The following ANKRD6 variants were observed in gnomAD, a reference collection of about 807,000 sequenced individuals.
ANKRD6 encodes ankyrin repeat domain 6.
In ANKRD6, 56 loss-of-function variants were observed where a neutral mutation model predicts 82.3. The ratio of observed to expected loss-of-function variants is 0.68; its 90% confidence interval spans 0.55 to 0.85. ANKRD6 has a LOEUF of 0.85. Among genes scored for constraint, ANKRD6 ranks in the 40% least tolerant of loss-of-function variants. ANKRD6 has a pLI of 0.00. For synonymous variants in ANKRD6, 347 were observed against 352.1 expected (o/e 0.99, Z 0.16); for missense variants, 852 against 907.6 (o/e 0.94, Z 0.79).
chr6:89,622,328 C>T (rs551569995), intron 10 of ANKRD6, among the ~76,000 whole-genome samples: 1 of 152,354 alleles, frequency 6.6e-6, no homozygotes, highest in South Asian at 2.1e-4. Flanking sequence ...AGCACTGCCT[C>T]TCTAACACCA....
chr6:89,508,044 A>C (rs768019177), intron 1 of ANKRD6, among the ~76,000 whole-genome samples: 18 of 152,168 alleles, frequency 1.2e-4, no homozygotes, highest in Non-Finnish European at 2.2e-4. Context: ...CACCTGCATA[A>C]ATTCTATATT....
Position 89,623,408 on chromosome 6 carries a change from A to G in ANKRD6, c.898-2A>G. 2 of 1,611,746 alleles carry G rather than the reference A, an allele frequency of 1.2e-6. No individual in the cohort carries two copies. Among genetic ancestry groups the G allele is most frequent in the Non-Finnish European group, 1.7e-6 (2 of 1,179,090 alleles). The stretch of plus-strand genomic sequence containing the variant: ...GGGTCTCTGGGCTTTTTCCTTCTGT[A>G]GGGCAGTGTCTCAGCAGGAGACACC... On this transcript the variant is annotated splice_acceptor_variant, in intron 10 of 15. Coordinates refer to ENST00000339746, the MANE Select transcript of ANKRD6 (RefSeq NM_001242809.2). LOFTEE classifies it high-confidence loss of function.
intron 1 of ANKRD6, among the ~76,000 whole-genome samples, chr6:89,543,993 T>C (rs1403707699): frequency 6.6e-6 from 1 of 152,212 alleles, no homozygotes; most frequent in African/African-American, 2.4e-5. Context: ...CAGTGTCTCT[T>C]ACTGTCAACT....
At chr6:89,470,165 A>AT (rs1775277286) in intron 1 of ANKRD6, among the ~76,000 whole-genome samples, 1 of 152,144 alleles carries the variant, frequency 6.6e-6, no homozygotes, top group South Asian at 2.1e-4. Context: ...ATGACACACA[A>AT]TTTTGTATCA....
At chr6:89,630,312 G>A in intron 15 of ANKRD6, 121 bp from the exon 16 acceptor site, 1 of 1,154,698 alleles carries the variant, frequency 8.7e-7, no homozygotes, top group Non-Finnish European at 1.2e-6. Context: ...TACACATGGT[G>A]GGTGGTGATG....
intron 9 of ANKRD6, among the ~76,000 whole-genome samples, chr6:89,620,386 G>A (rs1427097798): frequency 1.3e-5 from 2 of 152,142 alleles, no homozygotes; most frequent in African/African-American, 2.4e-5. Context: ...TGTGGTTCAC[G>A]AACGCTCTGA....
At chr6:89,556,962 A>G (rs1166147281) in intron 1 of ANKRD6, among the ~76,000 whole-genome samples, 1 of 152,202 alleles carries the variant, frequency 6.6e-6, no homozygotes, top group Non-Finnish European at 1.5e-5. Flanking sequence ...TCTAGGCCTT[A>G]CTGTCTCAAA....
At chr6:89,531,768 C>A (rs1419751076) in intron 1 of ANKRD6, among the ~76,000 whole-genome samples, 1 of 152,226 alleles carries the variant, frequency 6.6e-6, no homozygotes, top group Non-Finnish European at 1.5e-5. Flanking sequence ...CTCCTCACTC[C>A]CTGTATTAGG....
chr6:89,587,205 A>G (rs1793922746), intron 2 of ANKRD6, among the ~76,000 whole-genome samples: 1 of 151,692 alleles, frequency 6.6e-6, no homozygotes, highest in Non-Finnish European at 1.5e-5. Context: ...AAAAAAAAAA[A>G]AAAGGCTGGG....
At chr6:89,442,364 C>T (rs958190812) in intron 1 of ANKRD6, among the ~76,000 whole-genome samples, 1 of 151,942 alleles carries the variant, frequency 6.6e-6, no homozygotes, top group Non-Finnish European at 1.5e-5. Flanking sequence ...TGGCTCACGC[C>T]TATAGTCCCA....
intron 1 of ANKRD6, among the ~76,000 whole-genome samples, chr6:89,539,873 CAAAA>C (rs749956078): frequency 7.4e-6 from 1 of 135,334 alleles, no homozygotes; most frequent in Non-Finnish European, 1.6e-5. Context: ...TTGGATTCTA[CAAAA>C]AAAAAAAACC....
At chr6:89,437,076 G>A (rs927844267) in intron 1 of ANKRD6, among the ~76,000 whole-genome samples, 4 of 152,158 alleles carry the variant, frequency 2.6e-5, no homozygotes, top group African/African-American at 9.7e-5. Flanking sequence ...GTATTTAAGT[G>A]AATGCTCTTA....
At chr6:89,623,326 A>G in intron 10 of ANKRD6, 84 bp from the exon 11 acceptor site, 4 of 1,497,394 alleles carry the variant, frequency 2.7e-6, no homozygotes, top group Non-Finnish European at 3.6e-6. Flanking sequence ...ACCATATGGA[A>G]TCTTGCAAAG....
intron 1 of ANKRD6, among the ~76,000 whole-genome samples, chr6:89,478,646 C>T (rs1024562413): frequency 3.3e-5 from 4 of 121,780 alleles, no homozygotes; most frequent in African/African-American, 1.2e-4. Context: ...GGGGAGGGGG[C>T]GGGGTGGTGC....
At chr6:89,439,309 G>A (rs1486132650) in intron 1 of ANKRD6, among the ~76,000 whole-genome samples, 2 of 152,076 alleles carry the variant, frequency 1.3e-5, no homozygotes, top group African/African-American at 2.4e-5. Flanking sequence ...TAGGCTGCTG[G>A]CAATAGGCTA....
intron 14 of ANKRD6, 85 bp downstream of exon 14, chr6:89,627,781 A>G (rs1806207555): frequency 1.4e-5 from 16 of 1,161,750 alleles, no homozygotes; most frequent in Admixed American, 8.1e-5. Context: ...CTGAAAACTC[A>G]GAGGCTGAGA....
In ANKRD6 at chr6:89,616,591, C is replaced by G. The variant is rs777566930; in HGVS notation, c.648C>G (p.Ala216=). The G allele has an allele frequency of 6.2e-7, 1 of 1,613,986 alleles. No individual in the cohort carries two copies. The highest frequency in any genetic ancestry group is 8.5e-7 in the Non-Finnish European group (1 of 1,179,892). The change falls in exon 8 of 16, where the codon GCC becomes GCG. Residue 216 remains alanine (A), a synonymous_variant. Coordinates refer to ENST00000339746, the MANE Select transcript of ANKRD6 (RefSeq NM_001242809.2). The part of the protein sequence containing the change: ...AGDTALHVAA[A]LNHKKVAKIL... ...ACACAGCACTTCACGTTGCTGCTGC[C>G]CTAAATCACAAGAAGGTGGCCAAAA...
chr6:89,558,962 C>T (rs1787013172), intron 1 of ANKRD6, among the ~76,000 whole-genome samples: 1 of 151,958 alleles, frequency 6.6e-6, no homozygotes, highest in Admixed American at 6.6e-5. Context: ...GGAAACAGGG[C>T]AGGAAGAAAG....
chr6:89,605,155 G>A (rs1798213773), intron 4 of ANKRD6, among the ~76,000 whole-genome samples: 1 of 152,264 alleles, frequency 6.6e-6, no homozygotes, highest in Non-Finnish European at 1.5e-5. Context: ...GGGAAGCCAA[G>A]TGGATCACTT....
Sources: allele counts gnomAD v4.1 joint callset (sites outside exome capture counted in the v4.1 genomes callset), GRCh38; gene constraint gnomAD v4.1.1; transcripts MANE v1.5; gene names NCBI Gene and HGNC (gene_info 2026-07-23, HGNC 2026-07-21).